DSCAML1: variants seen among roughly 807,000 people sequenced by gnomAD.
DSCAML1 encodes DS cell adhesion molecule like 1, also known as cell adhesion molecule DSCAML1.
Under a neutral mutation model 200.5 loss-of-function variants are expected in DSCAML1, and 38 were observed. The observed-to-expected ratio is 0.19, with a 90% CI of 0.15 to 0.25. The LOEUF (loss-of-function observed/expected upper bound fraction) is 0.25, where lower values mean the gene tolerates loss of function less well. Among genes scored for constraint, DSCAML1 ranks in the 10% least tolerant of loss-of-function variants. The pLI, the probability that DSCAML1 is intolerant of heterozygous loss-of-function variation, is 1.00. For missense variants in DSCAML1, 2,223 were observed against 2,858.8 expected (o/e 0.78, Z 5.07); for synonymous variants, 1,215 against 1,165.0 (o/e 1.04, Z -0.87).
At chr11:117,627,532 G>A (rs1251838820) in intron 3 of DSCAML1, among the ~76,000 whole-genome samples, 1 of 152,050 alleles carries the variant, frequency 6.6e-6, no homozygotes, top group Non-Finnish European at 1.5e-5. Flanking sequence ...CTGAGCCGCT[G>A]CACCCACCAT....
intron 17 of DSCAML1, among the ~76,000 whole-genome samples, chr11:117,464,123 G>A (rs546951167): frequency 4.6e-5 from 7 of 152,242 alleles, no homozygotes; most frequent in South Asian, 2.1e-4. Context: ...TGTTGGTTTC[G>A]CTCTGTTGGG....
intron 3 of DSCAML1, among the ~76,000 whole-genome samples, chr11:117,571,133 C>A (rs2050841894): frequency 6.6e-6 from 1 of 152,218 alleles, no homozygotes; most frequent in African/African-American, 2.4e-5. Flanking sequence ...GTCGGGAGAC[C>A]AGTGCTCCAG....
intron 3 of DSCAML1, among the ~76,000 whole-genome samples, chr11:117,590,579 C>T (rs1410245158): frequency 6.6e-6 from 1 of 152,206 alleles, no homozygotes. Flanking sequence ...GTCTGCAATA[C>T]ATTCCTGCTC....
At chr11:117,767,634 G>A (rs901974528) in intron 3 of DSCAML1, among the ~76,000 whole-genome samples, 1 of 152,196 alleles carries the variant, frequency 6.6e-6, no homozygotes, top group African/African-American at 2.4e-5. Context: ...AGGACCAGCT[G>A]CCTTTTCCAC....
intron 1 of DSCAML1, among the ~76,000 whole-genome samples, chr11:117,783,239 G>C (rs1271470473): frequency 6.6e-6 from 1 of 152,142 alleles, no homozygotes; most frequent in East Asian, 1.9e-4. Context: ...GAGAAACCTA[G>C]GTAATCAGGC....
chr11:117,793,203 A>AT (rs2055507505), intron 1 of DSCAML1, among the ~76,000 whole-genome samples: 1 of 152,290 alleles, frequency 6.6e-6, no homozygotes. Context: ...GCACCCTGCC[A>AT]TCGCTGCTGC....
intron 1 of DSCAML1, among the ~76,000 whole-genome samples, chr11:117,781,624 C>G (rs989685185): frequency 1.4e-4 from 21 of 152,296 alleles, no homozygotes; most frequent in African/African-American, 4.6e-4. Context: ...TGGATAAGAT[C>G]TAGACTTAGG....
intron 3 of DSCAML1, among the ~76,000 whole-genome samples, chr11:117,540,704 T>C (rs1213663442): frequency 7.8e-6 from 1 of 128,642 alleles, no homozygotes; most frequent in African/African-American, 3.1e-5. Context: ...GATGAGGGGC[T>C]GGGGGGAGGG....
chr11:117,474,078 G>A (rs1412965154), intron 14 of DSCAML1, among the ~76,000 whole-genome samples: 3 of 152,172 alleles, frequency 2.0e-5, no homozygotes, highest in African/African-American at 7.2e-5. Context: ...GTCTGGAGAA[G>A]AGGCACTAAT....
intron 8 of DSCAML1, among the ~76,000 whole-genome samples, chr11:117,510,772 G>C (rs1382921055): frequency 1.3e-5 from 2 of 152,144 alleles, no homozygotes; most frequent in Non-Finnish European, 2.9e-5. Flanking sequence ...TGACATTCGT[G>C]GTCATTATCC....
At chr11:117,524,176 C>T (rs900560127) in intron 5 of DSCAML1, among the ~76,000 whole-genome samples, 1 of 152,224 alleles carries the variant, frequency 6.6e-6, no homozygotes, top group Non-Finnish European at 1.5e-5. Context: ...CTAAGGCCAC[C>T]TGCTCTCCAC....
At chr11:117,443,193 A>G (rs1210622317) in intron 21 of DSCAML1, among the ~76,000 whole-genome samples, 1 of 152,206 alleles carries the variant, frequency 6.6e-6, no homozygotes, top group African/African-American at 2.4e-5. Flanking sequence ...AGTTGTGGCC[A>G]GTTCCTACGC....
At chr11:117,803,973 C>A (rs2055685575) in intron 1 of DSCAML1, among the ~76,000 whole-genome samples, 2 of 152,246 alleles carry the variant, frequency 1.3e-5, no homozygotes, top group African/African-American at 4.8e-5. Flanking sequence ...CTTCCACGGT[C>A]TCTCTGCAGG....
At chr11:117,593,688 G>A (rs1196099557) in intron 3 of DSCAML1, among the ~76,000 whole-genome samples, 3 of 150,848 alleles carry the variant, frequency 2.0e-5, no homozygotes, top group Admixed American at 2.0e-4. Context: ...TTGAACCATA[G>A]TATTGAACTC....
At chr11:117,442,650 A>G (rs1182351587) in intron 21 of DSCAML1, among the ~76,000 whole-genome samples, 5 of 152,164 alleles carry the variant, frequency 3.3e-5, no homozygotes, top group African/African-American at 1.2e-4. Flanking sequence ...TAATGCCCCC[A>G]GGAGAAGAGG....
At chr11:117,497,697 C>T (rs1210420368) in intron 11 of DSCAML1, among the ~76,000 whole-genome samples, 1 of 152,268 alleles carries the variant, frequency 6.6e-6, no homozygotes, top group Admixed American at 6.5e-5. Context: ...GACTCCCTAG[C>T]TTGGCATGGG....
chr11:117,599,743 T>C (rs2051430597), intron 3 of DSCAML1, among the ~76,000 whole-genome samples: 1 of 152,222 alleles, frequency 6.6e-6, no homozygotes, highest in Non-Finnish European at 1.5e-5. Context: ...CCAGAGGATG[T>C]CCAGCTGGGT....
chr11:117,628,155 A>C (rs1187007132), intron 3 of DSCAML1, among the ~76,000 whole-genome samples: 1 of 152,216 alleles, frequency 6.6e-6, no homozygotes, highest in Non-Finnish European at 1.5e-5. Context: ...TCAAGGTGAT[A>C]CTGCTGGGTC....
At chr11:117,602,897 A>G (rs2051491157) in intron 3 of DSCAML1, among the ~76,000 whole-genome samples, 1 of 152,050 alleles carries the variant, frequency 6.6e-6, no homozygotes, top group African/African-American at 2.4e-5. Flanking sequence ...TCAGGAGTTC[A>G]AGACCAGTCT....
Sources: allele counts gnomAD v4.1 joint callset (sites outside exome capture counted in the v4.1 genomes callset), GRCh38; gene constraint gnomAD v4.1.1; transcripts MANE v1.5; gene names NCBI Gene and HGNC (gene_info 2026-07-23, HGNC 2026-07-21).